Variants in EEF2 observed in about 807,000 individuals in gnomAD.
EEF2 encodes elongation factor 2.
In EEF2, 21 loss-of-function variants were observed where a neutral mutation model predicts 85.3. That is an observed-to-expected ratio of 0.25 (90% CI 0.17 to 0.35). The LOEUF (loss-of-function observed/expected upper bound fraction) is 0.35, where lower values mean the gene tolerates loss of function less well. Ranked by LOEUF, EEF2 falls within the 10% of genes least tolerant of loss-of-function variation. The pLI, the probability that EEF2 is intolerant of heterozygous loss-of-function variation, is 1.00. For synonymous variants in EEF2, 723 were observed against 508.8 expected (o/e 1.42, Z -5.67); for missense variants, 825 against 1,225.3 (o/e 0.67, Z 4.88).
At chr19:3,984,419 G>C (rs2039793736) in intron 1 of EEF2, 69 bp from the exon 2 acceptor site, 1 of 1,535,586 alleles carries the variant, frequency 6.5e-7, no homozygotes, top group Non-Finnish European at 9.0e-7. Flanking sequence ...GGAGCGTTCA[G>C]TCCAAACGAA....
chr19:3,977,785 G>T lies in EEF2; in HGVS notation c.2067+34C>A. The T allele has an allele frequency of 6.5e-7, 1 of 1,534,088 alleles. No individual in the cohort carries two copies. ...TGAGGTCCCTCTAGAGCCTGGAAACGGGTGTGGTCTGCACATGCTGAGCCG... is the reference window on the plus strand; with the variant it reads ...TGAGGTCCCTCTAGAGCCTGGAAACTGGTGTGGTCTGCACATGCTGAGCCG... On this transcript the variant is annotated intron_variant, in intron 12 of 14. Coordinates refer to ENST00000309311, the MANE Select transcript of EEF2 (RefSeq NM_001961.4). The surrounding 1 kb of genome is among the most constrained non-coding windows in gnomAD (Gnocchi z 5.4).
chr19:3,981,119 C>T lies in EEF2; in HGVS notation c.1012-140G>A, dbSNP rs978941941. ...AAGCACAGTCCCTTCTGGAAGGCGGCAAAGGCCATGCACACTCCTGCCAAG... is the reference window on the plus strand; with the variant it reads ...AAGCACAGTCCCTTCTGGAAGGCGGTAAAGGCCATGCACACTCCTGCCAAG... On this transcript the variant is annotated intron_variant, in intron 7 of 14. Coordinates refer to ENST00000309311, the MANE Select transcript of EEF2 (RefSeq NM_001961.4). 10 of 1,379,534 alleles carry T rather than the reference C, an allele frequency of 7.2e-6. No individual in the cohort carries two copies. In the East Asian group the frequency reaches 2.2e-4, roughly 31 times the overall value. 85.5% of individuals were successfully genotyped at this position (1,379,534 alleles called of 1,614,324 possible).
chr19:3,978,064 G>A lies in EEF2; in HGVS notation c.1822C>T (p.Pro608Ser). 2.5e-6 allele frequency: 4 copies of A among 1,578,258 alleles called. No individual in the cohort carries two copies. Among genetic ancestry groups the A allele is most frequent in the Non-Finnish European group, 3.5e-6 (4 of 1,158,526 alleles). The change falls in exon 12 of 15, where the codon CCC becomes TCC. Residue 608 changes from proline to serine, a missense_variant. By Grantham distance (74) the Pro-to-Ser change is moderately conservative. Coordinates refer to ENST00000309311, the MANE Select transcript of EEF2 (RefSeq NM_001961.4). ...TCCTCGGCCAGGCCGTCGGGGAAGG[G>A]CCGCGCCTTCATGTACAGCCGGTTG... is the stretch of plus-strand genomic sequence containing the variant. Reference protein sequence around the residue: ...KHNRLYMKARPFPDGLAEDID... With the variant: ...KHNRLYMKARSFPDGLAEDID...
chr19:3,979,227 G>A (rs2039714939), intron 11 of EEF2, 102 bp downstream of exon 11: 1 of 866,532 alleles, frequency 1.2e-6, no homozygotes, highest in Admixed American at 2.2e-5. Context: ...CCAAGACCGA[G>A]ATCAAGTCTA....
rs938408591 is a variant in EEF2, at chr19:3,976,226, C to CA, written c.*327_*328insT. 1.9e-4 allele frequency: 66 copies of CA among 343,634 alleles called. No homozygotes were observed. Among genetic ancestry groups the CA allele is most frequent in the African/African-American group, 1.3e-3 (60 of 46,136 alleles). 21.3% of individuals were successfully genotyped at this position (343,634 alleles called of 1,614,324 possible). A position where few individuals can be genotyped will look rare whatever the true frequency, so the allele number is the denominator to read the frequency against. ...ATGTACCCAAATAAACCTCTTAATGCGTTTGTTAAAATTAGTTTGGACATC... is the reference window on the plus strand; with the variant it reads ...ATGTACCCAAATAAACCTCTTAATGCAGTTTGTTAAAATTAGTTTGGACATC... On this transcript the variant is annotated 3_prime_UTR_variant, in exon 15 of 15. Transcript: ENST00000309311.
rs138298305 is a variant in EEF2 at position 3,977,809 on chromosome 19, C to T, written c.2067+10G>A. On this transcript the variant is annotated intron_variant, in intron 12 of 14. Transcript: ENST00000309311. The surrounding 1 kb of genome is among the most constrained non-coding windows in gnomAD (Gnocchi z 5.4). Reference sequence around the variant, plus strand: ...CGGGTGTGGTCTGCACATGCTGAGCCGTGCCTCACCTCCTTGGTGGCCCAC... The same window carrying T: ...CGGGTGTGGTCTGCACATGCTGAGCTGTGCCTCACCTCCTTGGTGGCCCAC... 9,470 of 1,571,244 alleles carry T rather than the reference C, an allele frequency of 6.0e-3. 46 individuals carry two copies. The highest frequency in any genetic ancestry group is 0.013 in the Middle Eastern group (75 of 5,904).
In EEF2 at chr19:3,984,085, C is replaced by G. The variant is rs370984769; in HGVS notation, c.218+51G>C. ...CGCACCCTGGCCCAGTGGCCTCCAG[C>G]TGCCAGGCCAGCACCTCCCTGCCTG... On this transcript the variant is annotated intron_variant, in intron 2 of 14. Coordinates refer to ENST00000309311, the MANE Select transcript of EEF2 (RefSeq NM_001961.4). The G allele has an allele frequency of 3.4e-5, 54 of 1,592,860 alleles. No individual in the cohort carries two copies. In the African/African-American group the frequency reaches 6.3e-4, roughly 19 times the overall value.
intron 11 of EEF2, among the ~76,000 whole-genome samples, chr19:3,978,430 CG>C (rs2039703312): frequency 3.3e-5 from 5 of 152,086 alleles, no homozygotes; most frequent in Admixed American, 3.3e-4. Context: ...AGGGAAGAAA[CG>C]AGGTCTGGAG....
At chr19:3,985,294 G>A (rs995024488) in intron 1 of EEF2, 84 bp downstream of exon 1, 37 of 1,313,956 alleles carry the variant, frequency 2.8e-5, no homozygotes, top group African/African-American at 1.1e-4. Flanking sequence ...GGCACGGGGG[G>A]CCCCAGCGTC....
intron 2 of EEF2, chr19:3,983,880 G>T (rs2039786771): frequency 9.4e-6 from 5 of 532,662 alleles, no homozygotes; most frequent in South Asian, 8.6e-5. Flanking sequence ...TTGTAGGAGT[G>T]GGGGCAAGTC....
chr19:3,977,080 A>C lies in EEF2; in HGVS notation c.2383+135T>G. On this transcript the variant is annotated intron_variant, in intron 14 of 14. Transcript: ENST00000309311. This position sits in a 1 kb window ranked among gnomAD's most constrained non-coding sequence, Gnocchi z 5.4. ...ATTTAGGGGGTCCACAAGCTGTCAG[A>C]AACTGGACCACCTGCTCCATCCATC... 2 of 1,328,596 alleles carry C rather than the reference A, an allele frequency of 1.5e-6. No homozygotes were observed. The highest frequency in any genetic ancestry group is 2.0e-6 in the Non-Finnish European group (2 of 985,238). 82.3% of individuals were successfully genotyped at this position (1,328,596 alleles called of 1,614,324 possible). A position where few individuals can be genotyped will look rare whatever the true frequency, so the allele number is the denominator to read the frequency against.
intron 14 of EEF2, among the ~76,000 whole-genome samples, 176 bp from the exon 15 acceptor site, chr19:3,976,923 G>A (rs895551200): frequency 5.9e-5 from 9 of 152,330 alleles, no homozygotes; most frequent in Middle Eastern, 3.4e-3. Context: ...GCCTCATGCC[G>A]CTGCTCGTTT....
intron 1 of EEF2, among the ~76,000 whole-genome samples, chr19:3,984,636 C>A (rs1253112093): frequency 6.6e-6 from 1 of 152,222 alleles, no homozygotes; most frequent in Non-Finnish European, 1.5e-5. Context: ...GGTACAAATA[C>A]TAAAGTCTCA....
chr19:3,979,768 C>T (rs1400833194), intron 10 of EEF2, 40 bp downstream of exon 10: 2 of 1,596,532 alleles, frequency 1.3e-6, no homozygotes, highest in South Asian at 1.1e-5. Context: ...GCCGTCCCCC[C>T]TCAGGGTGTC....
Position 3,976,566 on chromosome 19 carries a change from C to G in EEF2, c.2565G>C (p.Leu855=). ...KEGIPALDNF[L]DKL Reference sequence around the variant, plus strand: ...CAGGAAGGGCCGCCTACAATTTGTCCAGGAAGTTGTCCAGGGCAGGGATGC... The same window carrying G: ...CAGGAAGGGCCGCCTACAATTTGTCGAGGAAGTTGTCCAGGGCAGGGATGC... The change falls in exon 15 of 15, where the codon CTG becomes CTC. Residue 855 remains leucine, a synonymous_variant. Coordinates refer to ENST00000309311, the MANE Select transcript of EEF2 (RefSeq NM_001961.4). The G allele has an allele frequency of 1.9e-6, 3 of 1,607,300 alleles. No homozygotes were observed. Among genetic ancestry groups the G allele is most frequent in the Non-Finnish European group, 2.5e-6 (3 of 1,177,174 alleles).
Position 3,984,153 on chromosome 19 carries a change from G to A in EEF2, c.201C>T (p.Cys67=). The A allele has an allele frequency of 6.2e-6, 10 of 1,613,920 alleles. No homozygotes were observed. The highest frequency in any genetic ancestry group is 1.3e-5 in the African/African-American group (1 of 75,082). The change falls in exon 2 of 15, where the codon TGC becomes TGT. Residue 67 remains cysteine (C), a synonymous_variant. Coordinates refer to ENST00000309311, the MANE Select transcript of EEF2 (RefSeq NM_001961.4). Reference sequence around the variant, plus strand: ...GAGCTCACGTTGACTTGATGGTGATGCAACGCTCCTGCTCGTCCTTCCGGG... The same window carrying A: ...GAGCTCACGTTGACTTGATGGTGATACAACGCTCCTGCTCGTCCTTCCGGG... ...TDTRKDEQER[C]ITIKSTAISL... is the part of the protein sequence containing the mutation.
chr19:3,985,453 C>G lies in EEF2; in HGVS notation c.-73G>C. 1 of 1,416,890 alleles carries G rather than the reference C, an allele frequency of 7.1e-7. No homozygotes were observed. Among genetic ancestry groups the G allele is most frequent in the Non-Finnish European group, 9.3e-7 (1 of 1,075,274 alleles). The allele number at this position is 1,416,890 out of a possible 1,614,324, so 87.8% of individuals were successfully genotyped here. On this transcript the variant is annotated 5_prime_UTR_variant, in exon 1 of 15. Transcript: ENST00000309311. ...GTCGCGCCGAGGATGGCGGCGACGA[C>G]GGCGGAAGAGAACGCTGACGTCAAC...
At position 3,984,456 on chromosome 19, in the gene EEF2, T is replaced by C. The variant is rs1456755022; in HGVS notation, c.4-106A>G. 5 of 1,291,186 alleles carry C rather than the reference T, an allele frequency of 3.9e-6. No individual in the cohort carries two copies. The South Asian group carries it at 3.9e-5, about 10-fold the overall frequency. 80.0% of individuals were successfully genotyped at this position (1,291,186 alleles called of 1,614,324 possible). A position where few individuals can be genotyped will look rare whatever the true frequency, so the allele number is the denominator to read the frequency against. ...CAGCATGCCCAAGGCCAGGAGGGGGTTGGTGCTGGGGTGCCCCAAGCCCAC... is the reference window on the plus strand; with the variant it reads ...CAGCATGCCCAAGGCCAGGAGGGGGCTGGTGCTGGGGTGCCCCAAGCCCAC... On this transcript the variant is annotated intron_variant, in intron 1 of 14. Coordinates refer to ENST00000309311, the MANE Select transcript of EEF2 (RefSeq NM_001961.4).
rs200869338 is a variant in EEF2, at chr19:3,978,107, G to T, written c.1779C>A (p.Ser593=). Reference sequence around the variant, plus strand: ...GCCGGTTGTGCTTGTTGGGGGACTTGGAGAGGCAGAGCACGTTCGACTCTT... The same window carrying T: ...GCCGGTTGTGCTTGTTGGGGGACTTTGAGAGGCAGAGCACGTTCGACTCTT... ...VSEESNVLCL[S]KSPNKHNRLY... is the part of the protein sequence containing the mutation. Residue 593 remains serine (S), a synonymous_variant, in exon 12 of 15, where the codon TCC becomes TCA. Transcript: ENST00000309311. 6.6e-6 allele frequency: 10 copies of T among 1,524,802 alleles called. No homozygotes were observed. The highest frequency in any genetic ancestry group is 8.9e-6 in the Non-Finnish European group (10 of 1,128,272). The allele number at this position is 1,524,802 out of a possible 1,614,324, so 94.5% of individuals were successfully genotyped here. A position where few individuals can be genotyped will look rare whatever the true frequency, so the allele number is the denominator to read the frequency against.
Sources: allele counts gnomAD v4.1 joint callset (sites outside exome capture counted in the v4.1 genomes callset), GRCh38; gene constraint gnomAD v4.1.1; non-coding constraint Gnocchi (gnomAD v3.1); transcripts MANE v1.5; gene names NCBI Gene and HGNC (gene_info 2026-07-23, HGNC 2026-07-21).